Variants in DLG5 observed in about 807,000 individuals in gnomAD.
DLG5 encodes disks large homolog 5.
Under a neutral mutation model 189.8 loss-of-function variants are expected in DLG5, and 48 were observed. The ratio of observed to expected loss-of-function variants is 0.25; its 90% CI spans 0.20 to 0.32. DLG5 has a LOEUF of 0.32. DLG5 is among the 10% of genes least tolerant of loss of function. The pLI is 1.00. For synonymous variants in DLG5, 1,016 were observed against 1,054.1 expected, an observed-to-expected ratio of 0.96 and a Z score of 0.70; for missense variants, 2,160 against 2,544.7, an observed-to-expected ratio of 0.85 and a Z score of 3.25.
intron 18 of DLG5, 85 bp from the exon 19 acceptor site, chr10:77,817,181 A>G (rs757145650): frequency 1.6e-6 from 2 of 1,248,784 alleles, no homozygotes; most frequent in East Asian, 2.3e-5. Flanking sequence ...ACCAGTCAGG[A>G]TAATAAATGC....
At chr10:77,799,231 C>A (rs1841079637) in intron 27 of DLG5, among the ~76,000 whole-genome samples, 1 of 152,216 alleles carries the variant, frequency 6.6e-6, no homozygotes, top group Admixed American at 6.5e-5. Context: ...GGGGTTCCAA[C>A]CTTAGACCAT....
intron 27 of DLG5, among the ~76,000 whole-genome samples, chr10:77,803,742 A>C (rs1841332496): frequency 6.6e-6 from 1 of 152,210 alleles, no homozygotes; most frequent in Non-Finnish European, 1.5e-5. Flanking sequence ...AGACACTAGC[A>C]CCACCGGACA....
chr10:77,848,358 A>T (rs528479486), intron 5 of DLG5, among the ~76,000 whole-genome samples: 1 of 152,336 alleles, frequency 6.6e-6, no homozygotes, highest in East Asian at 1.9e-4. Context: ...TTCATGAATT[A>T]CAAGAGAAAG....
At chr10:77,890,393 T>C (rs1291874309) in intron 1 of DLG5, among the ~76,000 whole-genome samples, 2 of 152,166 alleles carry the variant, frequency 1.3e-5, no homozygotes, top group Admixed American at 1.3e-4. Context: ...ACTCATCTCA[T>C]CCACCCCACG....
Position 77,792,322 on chromosome 10 carries a change from G to A in DLG5, c.*118C>T, listed in dbSNP as rs919655234. Reference sequence around the variant, plus strand: ...GGAGGTGCTTCTGGGTCCTGGTTCCGGATCCTTCCCCCGCATGTTCATAGA... The same window carrying A: ...GGAGGTGCTTCTGGGTCCTGGTTCCAGATCCTTCCCCCGCATGTTCATAGA... On this transcript the variant is annotated 3_prime_UTR_variant, in exon 32 of 32. Transcript: ENST00000372391. 7.8e-5 allele frequency: 83 copies of A among 1,057,360 alleles called. No homozygotes were observed. Among genetic ancestry groups the A allele is most frequent in the Non-Finnish European group, 9.2e-5 (64 of 696,238 alleles). 65.5% of individuals were successfully genotyped at this position (1,057,360 alleles called of 1,614,324 possible).
intron 8 of DLG5, among the ~76,000 whole-genome samples, chr10:77,835,530 T>C (rs929626355): frequency 6.6e-6 from 1 of 152,180 alleles, no homozygotes; most frequent in South Asian, 2.1e-4. Flanking sequence ...CACCTAGGGC[T>C]GAGTGAGATG....
intron 1 of DLG5, among the ~76,000 whole-genome samples, chr10:77,914,748 A>G (rs1387833962): frequency 2.6e-5 from 4 of 152,140 alleles, no homozygotes; most frequent in Admixed American, 2.6e-4. Flanking sequence ...CTCAGCAAAG[A>G]GTTGCCCAAA....
chr10:77,857,930 G>T, intron 2 of DLG5, among the ~76,000 whole-genome samples: 1 of 152,194 alleles, frequency 6.6e-6, no homozygotes, highest in South Asian at 2.1e-4. Flanking sequence ...GGACATGATA[G>T]GTCTTCTGAT....
intron 27 of DLG5, among the ~76,000 whole-genome samples, chr10:77,802,822 C>T (rs1445841682): frequency 3.3e-5 from 5 of 152,140 alleles, no homozygotes; most frequent in Non-Finnish European, 7.4e-5. Context: ...ATCGCTTGAA[C>T]CTGGGAGGCA....
At chr10:77,871,211 G>T (rs1235493959) in intron 1 of DLG5, among the ~76,000 whole-genome samples, 2 of 152,114 alleles carry the variant, frequency 1.3e-5, no homozygotes, top group African/African-American at 4.8e-5. Flanking sequence ...ACCAGGAGCA[G>T]CGGGTGGATG....
intron 15 of DLG5, 34 bp downstream of exon 15, chr10:77,821,048 C>T: frequency 6.4e-7 from 1 of 1,566,520 alleles, no homozygotes; most frequent in African/African-American, 1.3e-5. Flanking sequence ...CCTCTCTAGG[C>T]CTCCCCTCCC....
In DLG5 at chr10:77,828,975, G is replaced by A. The variant is rs1474742485; in HGVS notation, c.2196C>T (p.Ile732=). The part of the protein sequence containing the change: ...INLSGQKDSG[I]SLENGVYAAA... ...CAGCATACACTCCATTCTCCAGACTGATGCCACTGTCTGCAAGCCACAGGA... is the reference window on the plus strand; with the variant it reads ...CAGCATACACTCCATTCTCCAGACTAATGCCACTGTCTGCAAGCCACAGGA... The change falls in exon 13 of 32, where the codon ATC becomes ATT. Residue 732 remains isoleucine, a synonymous_variant. Coordinates refer to ENST00000372391, the MANE Select transcript of DLG5 (RefSeq NM_004747.4). The A allele has an allele frequency of 1.2e-6, 2 of 1,613,896 alleles. No individual in the cohort carries two copies. Among genetic ancestry groups the A allele is most frequent in the East Asian group, 2.2e-5 (1 of 44,882 alleles).
intron 2 of DLG5, among the ~76,000 whole-genome samples, chr10:77,865,695 T>A (rs1844647435): frequency 6.6e-6 from 1 of 151,906 alleles, no homozygotes; most frequent in South Asian, 2.1e-4. Flanking sequence ...ATCCACCAGG[T>A]AGGGTCGGGG....
At chr10:77,841,746 G>T in intron 7 of DLG5, 135 bp downstream of exon 7, 1 of 958,450 alleles carries the variant, frequency 1.0e-6, no homozygotes, top group Non-Finnish European at 1.5e-6. Flanking sequence ...AACCCAGCTT[G>T]CACTTAGGCC....
chr10:77,843,222 A>T (rs1564539203), intron 6 of DLG5, among the ~76,000 whole-genome samples: 1 of 152,228 alleles, frequency 6.6e-6, no homozygotes, highest in African/African-American at 2.4e-5. Flanking sequence ...TGCAAGGCTA[A>T]CCACTGAATG....
chr10:77,849,477 G>A (rs1037248442), intron 5 of DLG5, among the ~76,000 whole-genome samples: 3 of 152,256 alleles, frequency 2.0e-5, no homozygotes, highest in African/African-American at 7.2e-5. Flanking sequence ...CGCGGGGCTG[G>A]TCGCCCAGCA....
chr10:77,886,454 C>A (rs1210054217), intron 1 of DLG5, among the ~76,000 whole-genome samples: 1 of 151,586 alleles, frequency 6.6e-6, no homozygotes, highest in African/African-American at 2.4e-5. Flanking sequence ...GCAACCTCCA[C>A]CTCCCAGGTT....
intron 27 of DLG5, among the ~76,000 whole-genome samples, chr10:77,803,830 GA>G (rs1274047787): frequency 1.4e-5 from 2 of 147,170 alleles, no homozygotes; most frequent in Non-Finnish European, 3.0e-5. Flanking sequence ...GAGAGTGAAG[GA>G]AAAAAAACAA....
the DLG5 span, among the ~76,000 whole-genome samples, chr10:77,938,901 CT>C: frequency 5.3e-5 from 8 of 152,186 alleles, no homozygotes; most frequent in African/African-American, 1.9e-4. Context: ...AAAACTGCCC[CT>C]ATCAGGCCCG....
Sources: gnomAD v4.1 joint callset for allele counts (sites outside exome capture counted in the v4.1 genomes callset) on GRCh38, gnomAD v4.1.1 for gene constraint, MANE v1.5 for transcripts, NCBI Gene and HGNC (gene_info 2026-07-23, HGNC 2026-07-21) for gene names.